The following MYO3B variants were observed in gnomAD, a reference collection of about 807,000 sequenced individuals.
The protein encoded by MYO3B is myosin-IIIb.
Under a neutral mutation model 174.6 loss-of-function variants are expected in MYO3B, and 156 were observed. That is an observed-to-expected ratio of 0.89 (90% CI 0.78 to 1.02). MYO3B has a LOEUF of 1.02. Among genes scored for constraint, MYO3B ranks in the 50% least tolerant of loss-of-function variants. The probability of loss-of-function intolerance (pLI) is 0.00; values close to 1 mark genes in which losing one functional copy is unlikely to be tolerated. For synonymous variants in MYO3B, 563 were observed against 569.1 expected (o/e 0.99, Z 0.15); for missense variants, 1,632 against 1,639.4 (o/e 1.00, Z 0.08).
chr2:170,283,117 C>T (rs562586941), intron 7 of MYO3B, among the ~76,000 whole-genome samples: 114 of 152,190 alleles, frequency 7.5e-4, no homozygotes, highest in African/African-American at 2.6e-3. Flanking sequence ...GCTGTGCTGC[C>T]GCTGCCTGGA....
Position 170,488,886 on chromosome 2 carries a change from T to C in MYO3B, c.3015-9706T>C, listed in dbSNP as rs2106036886. Among the ~76,000 whole-genome samples the C allele has an allele frequency of 2.6e-5, 4 of 152,292 alleles. No homozygotes were observed. In the Middle Eastern group the frequency reaches 0.014, roughly 518 times the overall value. ...CACCTTCCTGATACACTAATCCAAA[T>C]AGAATATTCTTTGGATCCCTCACAC... On this transcript the variant is annotated intron_variant, in intron 25 of 34. Transcript: ENST00000408978.
At chr2:170,561,846 C>G (rs1355849329) in intron 32 of MYO3B, among the ~76,000 whole-genome samples, 1 of 152,048 alleles carries the variant, frequency 6.6e-6, no homozygotes, top group Non-Finnish European at 1.5e-5. Flanking sequence ...AGAAGATGTA[C>G]ACGCAATACA....
intron 22 of MYO3B, among the ~76,000 whole-genome samples, chr2:170,439,303 T>C (rs2094781630): frequency 2.0e-5 from 3 of 151,810 alleles, no homozygotes; most frequent in South Asian, 2.1e-4. Flanking sequence ...ACCCAGGAAG[T>C]AGAGCTTGCA....
At chr2:170,440,152 G>A (rs1055851824) in intron 22 of MYO3B, among the ~76,000 whole-genome samples, 4 of 152,142 alleles carry the variant, frequency 2.6e-5, no homozygotes, top group South Asian at 4.1e-4. Context: ...TTTTATCAAA[G>A]ATCATTTGAT....
chr2:170,598,141 G>A (rs1694265184), intron 32 of MYO3B, among the ~76,000 whole-genome samples: 1 of 152,148 alleles, frequency 6.6e-6, no homozygotes, highest in South Asian at 2.1e-4. Context: ...TAAAGCATAT[G>A]GTTTCACATT....
intron 32 of MYO3B, among the ~76,000 whole-genome samples, chr2:170,552,779 A>T (rs554512304): frequency 6.6e-6 from 1 of 152,196 alleles, no homozygotes; most frequent in African/African-American, 2.4e-5. Context: ...AGAGACCTTC[A>T]TGGCAGCCCC....
chr2:170,257,355 A>T (rs1347576882), intron 7 of MYO3B, among the ~76,000 whole-genome samples: 2 of 152,160 alleles, frequency 1.3e-5, no homozygotes, highest in Non-Finnish European at 2.9e-5. Flanking sequence ...AGTCTCGATA[A>T]ATTCAAAAAA....
Position 170,463,444 on chromosome 2 carries a change from G to T in MYO3B, c.2807G>T (p.Arg936Leu), listed in dbSNP as rs764401162. 1 of 1,613,758 alleles carries T rather than the reference G, an allele frequency of 6.2e-7. No homozygotes were observed. The highest frequency in any genetic ancestry group is 1.1e-5 in the South Asian group (1 of 90,932). The change falls in exon 24 of 35, where the codon CGG becomes CTG. Residue 936 changes from arginine to leucine, a missense_variant and splice_region_variant. Physicochemically the swap from Arg to Leu is moderately radical, Grantham distance 102. Transcript: ENST00000408978. ...AGGCAAACTGTGGCTTCTTACTTCC[G>T]GGTATGGAGTCTTCTTGATCTCTAT... ...MKRQTVASYF[R>L]YSLMDLLSKM...
At chr2:170,476,769 G>C (rs1232608059) in intron 25 of MYO3B, among the ~76,000 whole-genome samples, 4 of 151,954 alleles carry the variant, frequency 2.6e-5, no homozygotes, top group Admixed American at 2.6e-4. Flanking sequence ...TCCTTATTTA[G>C]GGCCATGGGT....
chr2:170,598,341 G>A (rs538117509), intron 32 of MYO3B, among the ~76,000 whole-genome samples: 7 of 152,314 alleles, frequency 4.6e-5, no homozygotes, highest in East Asian at 1.9e-4. Context: ...CCTCACGAAC[G>A]AATTCCCCTG....
At chr2:170,376,814 C>T (rs1460971267) in intron 9 of MYO3B, among the ~76,000 whole-genome samples, 1 of 152,230 alleles carries the variant, frequency 6.6e-6, no homozygotes, top group Admixed American at 6.5e-5. Flanking sequence ...AGGCATTTCT[C>T]AGTGCAGAGA....
chr2:170,504,325 CTAAGA>C (rs1167464250), intron 28 of MYO3B, among the ~76,000 whole-genome samples: 24 of 152,228 alleles, frequency 1.6e-4, no homozygotes, highest in African/African-American at 5.8e-4. Context: ...AGTGGTGTTG[CTAAGA>C]TATGTTATAT....
intron 22 of MYO3B, among the ~76,000 whole-genome samples, chr2:170,435,639 G>A (rs1312675270): frequency 2.0e-5 from 3 of 152,210 alleles, no homozygotes; most frequent in Non-Finnish European, 4.4e-5. Context: ...TGAAGCATCT[G>A]ATTTTTATTT....
At chr2:170,651,994 C>A in intron 33 of MYO3B, 114 bp from the exon 34 acceptor site, 1 of 1,166,332 alleles carries the variant, frequency 8.6e-7, no homozygotes, top group Non-Finnish European at 1.2e-6. Context: ...AAAAATTATG[C>A]TGTGACTTCT....
intron 22 of MYO3B, among the ~76,000 whole-genome samples, chr2:170,414,893 C>T (rs926482116): frequency 6.6e-6 from 1 of 152,154 alleles, no homozygotes; most frequent in African/African-American, 2.4e-5. Context: ...TGTAGAAATA[C>T]AGATGACTTT....
intron 7 of MYO3B, among the ~76,000 whole-genome samples, chr2:170,315,348 G>T (rs377288707): frequency 2.7e-5 from 4 of 149,302 alleles, no homozygotes; most frequent in African/African-American, 7.4e-5. Flanking sequence ...GTCTCGCTCT[G>T]TTGCCCAGGA....
At chr2:170,354,161 T>C (rs917522794) in intron 8 of MYO3B, among the ~76,000 whole-genome samples, 2 of 152,264 alleles carry the variant, frequency 1.3e-5, no homozygotes, top group South Asian at 2.1e-4. Flanking sequence ...TGTTTAATGC[T>C]AGGCATTGCC....
At chr2:170,499,197 G>A (rs1352854494) in intron 26 of MYO3B, among the ~76,000 whole-genome samples, 1 of 152,158 alleles carries the variant, frequency 6.6e-6, no homozygotes, top group East Asian at 1.9e-4. Context: ...ACCAGCCTCT[G>A]CCTGAGTGAC....
intron 23 of MYO3B, among the ~76,000 whole-genome samples, chr2:170,449,603 C>G (rs1361756971): frequency 7.9e-5 from 12 of 152,022 alleles, no homozygotes; most frequent in Admixed American, 7.2e-4. Context: ...CATGAAGAAA[C>G]TCCATCTCTA....
Sources: gnomAD v4.1 joint callset for allele counts (sites outside exome capture counted in the v4.1 genomes callset) on GRCh38, gnomAD v4.1.1 for gene constraint, MANE v1.5 for transcripts, NCBI Gene and HGNC (gene_info 2026-07-23, HGNC 2026-07-21) for gene names.